The following STK3 variants were observed in gnomAD, a reference collection of about 807,000 sequenced individuals.
STK3 encodes serine/threonine kinase 3.
In STK3, 41 loss-of-function variants were observed where a neutral mutation model predicts 58.0. The ratio of observed to expected loss-of-function variants is 0.71; its 90% CI spans 0.55 to 0.92. The LOEUF is 0.92. Among genes scored for constraint, STK3 ranks in the 40% least tolerant of loss-of-function variants. The pLI is 0.00. For missense variants in STK3, 479 were observed against 602.7 expected, an observed-to-expected ratio of 0.79 and a Z score of 2.15; for synonymous variants, 170 against 191.0, an observed-to-expected ratio of 0.89 and a Z score of 0.91.
chr8:98,506,136 C>G (rs1468805412), intron 10 of STK3, among the ~76,000 whole-genome samples: 1 of 152,222 alleles, frequency 6.6e-6, no homozygotes, highest in Non-Finnish European at 1.5e-5. Context: ...AGGTTGCTGC[C>G]TTGCAGGTTG....
intron 10 of STK3, among the ~76,000 whole-genome samples, chr8:98,493,817 A>G (rs1376904243): frequency 6.6e-6 from 1 of 152,192 alleles, no homozygotes; most frequent in Non-Finnish European, 1.5e-5. Context: ...CACCTTAAAA[A>G]GTCACTATTC....
chr8:98,942,588 T>G (rs2132072952), exon 1 of STK3: 1 of 152,266 alleles, frequency 6.6e-6, no homozygotes, highest in African/African-American at 2.4e-5. Flanking sequence ...TACACATACT[T>G]AAGGGCGGGA....
intron 6 of STK3, among the ~76,000 whole-genome samples, chr8:98,616,643 A>G (rs1817749287): frequency 6.7e-6 from 1 of 149,354 alleles, no homozygotes; most frequent in Non-Finnish European, 1.5e-5. Flanking sequence ...GAAAACAAAA[A>G]AAGGCAGGGG....
At chr8:98,369,310 C>T (rs760650367), downstream of STK3, among the ~76,000 whole-genome samples, 18 of 152,318 alleles carry the variant, frequency 1.2e-4, no homozygotes, top group Middle Eastern at 3.4e-3. Flanking sequence ...AAGCCTAAAA[C>T]GCTACCATTA....
rs146919126 is a variant in STK3 at position 98,794,675 on chromosome 8, C to G, written c.27-19856G>C. ...ACTGCAACTCATTCGAAGGATGCAT[C>G]ACCCTGATACGAAAACCTGGCAAAG... is the stretch of plus-strand genomic sequence containing the variant. On this transcript the variant is annotated intron_variant, in intron 1 of 10. Transcript: ENST00000419617. Among the ~76,000 whole-genome samples the G allele has an allele frequency of 8.8e-3, 1,334 of 152,172 alleles. 11 individuals carry two copies. The highest frequency in any genetic ancestry group is 0.03 in the African/African-American group (1,257 of 41,504).
rs185537689 is a variant in STK3 at position 98,576,794 on chromosome 8, A to G, written c.948+2870T>C. ...TCTAGCAGATTTAGATGGTTGACAG[A>G]TAACAAACAGGAAGTTGCTCTAGCT... On this transcript the variant is annotated intron_variant, in intron 8 of 10. Transcript: ENST00000419617. Among the ~76,000 whole-genome samples, 863 of 152,336 alleles carry G rather than the reference A, an allele frequency of 5.7e-3. 6 individuals carry two copies. Among genetic ancestry groups the G allele is most frequent in the African/African-American group, 0.019 (807 of 41,558 alleles).
rs958294649 is a variant in STK3, at chr8:98,851,716, T to C, written c.110+31931A>G. Among the ~76,000 whole-genome samples the C allele has an allele frequency of 8.5e-5, 13 of 152,302 alleles. No individual in the cohort carries two copies. In the East Asian group the frequency reaches 2.1e-3, roughly 25 times the overall value. On this transcript the variant is annotated intron_variant, in intron 3 of 12. Coordinates refer to the STK3 transcript ENST00000523601. ...TGGCTTATGCCTATAATCCCAACACTGTGGAAGGTAGAGGCAGGAGAATCG... is the reference window on the plus strand; with the variant it reads ...TGGCTTATGCCTATAATCCCAACACCGTGGAAGGTAGAGGCAGGAGAATCG...
chr8:98,687,815 C>T (rs555370391), intron 6 of STK3, among the ~76,000 whole-genome samples: 1 of 152,238 alleles, frequency 6.6e-6, no homozygotes, highest in East Asian at 1.9e-4. Context: ...CATTTACTAA[C>T]ACAAAAGCAC....
chr8:98,823,922 T>C (rs146506834), intron 1 of STK3, among the ~76,000 whole-genome samples: 5 of 152,308 alleles, frequency 3.3e-5, no homozygotes, highest in African/African-American at 9.6e-5. Context: ...ATTTCATTAT[T>C]AGGAGATAAT....
intron 3 of STK3, among the ~76,000 whole-genome samples, chr8:98,855,184 A>T (rs1564063501): frequency 1.3e-5 from 2 of 152,266 alleles, no homozygotes; most frequent in Non-Finnish European, 2.9e-5. Flanking sequence ...TCTTAAATTC[A>T]TATAGAGTTC....
chr8:98,627,463 G>A (rs1028639347), intron 6 of STK3, among the ~76,000 whole-genome samples: 27 of 146,616 alleles, frequency 1.8e-4, no homozygotes, highest in African/African-American at 5.5e-4. Context: ...GCAGTGAGCC[G>A]AGATCGTGCC....
intron 3 of STK3, among the ~76,000 whole-genome samples, chr8:98,836,667 T>C (rs903863672): frequency 3.3e-5 from 5 of 152,246 alleles, no homozygotes; most frequent in African/African-American, 1.2e-4. Flanking sequence ...CTGTATCAGA[T>C]TGGACCTTGA....
At chr8:98,703,648 C>T (rs2131049639) in intron 6 of STK3, among the ~76,000 whole-genome samples, 1 of 152,216 alleles carries the variant, frequency 6.6e-6, no homozygotes, top group African/African-American at 2.4e-5. Flanking sequence ...CTGTTAGTAA[C>T]CCCTTGAACT....
intron 6 of STK3, among the ~76,000 whole-genome samples, chr8:98,619,270 A>G (rs1262407655): frequency 6.6e-5 from 10 of 151,190 alleles, no homozygotes; most frequent in South Asian, 2.1e-4. Context: ...ATATGTAGAA[A>G]GCTGAAACTG....
At chr8:98,880,419 C>T (rs1295240920), downstream of STK3, 2 of 152,240 alleles carry the variant, frequency 1.3e-5, no homozygotes, top group Admixed American at 1.3e-4. Context: ...CTTTTTCCCA[C>T]CAACGTGATA....
chr8:98,666,614 C>G (rs1165246490), intron 6 of STK3, among the ~76,000 whole-genome samples: 1 of 152,036 alleles, frequency 6.6e-6, no homozygotes, highest in East Asian at 1.9e-4. Flanking sequence ...ATAAATTTTC[C>G]TTTGGAGAAC....
At chr8:98,777,963 G>A (rs1005512229) in intron 1 of STK3, among the ~76,000 whole-genome samples, 7 of 152,174 alleles carry the variant, frequency 4.6e-5, no homozygotes, top group Middle Eastern at 3.2e-3. Context: ...CAGGACATAG[G>A]CATGGGTAAG....
chr8:98,450,252 C>A (rs1819140737), downstream of STK3, among the ~76,000 whole-genome samples: 1 of 152,202 alleles, frequency 6.6e-6, no homozygotes. Flanking sequence ...TTCGAAGTAA[C>A]AATCAGCTTG....
At position 98,742,553 on chromosome 8, in the gene STK3, A is replaced by C. The variant is rs376690920; in HGVS notation, c.351+6723T>G. On this transcript the variant is annotated intron_variant, in intron 4 of 10. Coordinates refer to ENST00000419617, the MANE Select transcript of STK3 (RefSeq NM_006281.4). The stretch of plus-strand genomic sequence containing the variant: ...ACAACGCTTCATGCTAAAAACTCTC[A>C]ATAAATTATGTATCGATGGGACATA... Among the ~76,000 whole-genome samples the C allele has an allele frequency of 7.4e-5, 9 of 122,346 alleles. 1 individual carries two copies. The highest frequency in any genetic ancestry group is 2.7e-4 in the East Asian group (1 of 3,714). 80.3% of individuals were successfully genotyped at this position (122,346 alleles called of 152,430 possible).
Sources: allele counts gnomAD v4.1 joint callset (sites outside exome capture counted in the v4.1 genomes callset), GRCh38; gene constraint gnomAD v4.1.1; transcripts MANE v1.5; gene names NCBI Gene and HGNC (gene_info 2026-07-23, HGNC 2026-07-21).